PPP3R1: variants seen among roughly 807,000 people sequenced by gnomAD.
PPP3R1 encodes protein phosphatase 3 regulatory subunit B, alpha.
In PPP3R1, 5 loss-of-function variants were observed where a neutral mutation model predicts 22.6. That is an observed-to-expected ratio of 0.22 (90% CI 0.12 to 0.46). PPP3R1 has a LOEUF of 0.46. Ranked by LOEUF, PPP3R1 falls within the 20% of genes least tolerant of loss-of-function variation. The probability of loss-of-function intolerance (pLI) is 0.99; values close to 1 mark genes in which losing one functional copy is unlikely to be tolerated. For synonymous variants in PPP3R1, 56 were observed against 65.2 expected (o/e 0.86, Z 0.68); for missense variants, 61 against 203.2 (o/e 0.30, Z 4.25).
Position 68,195,748 on chromosome 2 carries a change from A to T in PPP3R1, c.44-7058T>A, listed in dbSNP as rs186160603. ...CCACCATTTATTTATTAAAATACTTACATCAGCATGGACTCATGAGTATTT... is the reference window on the plus strand; with the variant it reads ...CCACCATTTATTTATTAAAATACTTTCATCAGCATGGACTCATGAGTATTT... On this transcript the variant is annotated intron_variant, in intron 2 of 5. Transcript: ENST00000234310. 3.6e-3 allele frequency among the ~76,000 whole-genome samples: 551 copies of T among 152,276 alleles called. 6 individuals are homozygous for T. The highest frequency in any genetic ancestry group is 0.012 in the African/African-American group (510 of 41,554).
chr2:68,215,323 ACCC>A (rs201113610), intron 2 of PPP3R1, among the ~76,000 whole-genome samples: 1 of 150,522 alleles, frequency 6.6e-6, no homozygotes, highest in African/African-American at 2.4e-5. Flanking sequence ...ATATTCCAAA[ACCC>A]CCCCCAAAAT....
chr2:68,232,124 T>TACACACACACAAAA (rs1669918601), intron 1 of PPP3R1, among the ~76,000 whole-genome samples: 66 of 97,896 alleles, frequency 6.7e-4, no homozygotes, highest in South Asian at 9.9e-4. Context: ...TATATATATA[T>TACACACACACAAAA]ACACACACAC....
In PPP3R1 at chr2:68,180,925, A is replaced by C. The variant is rs1382837978; in HGVS notation, c.*38T>G. The stretch of plus-strand genomic sequence containing the variant: ...TTGAGCAGATCTTCAGAGATGGAGA[A>C]GAAAGCAAAAGTGTTGGGTGGTACT... On this transcript the variant is annotated 3_prime_UTR_variant, in exon 6 of 6. Coordinates refer to ENST00000234310, the MANE Select transcript of PPP3R1 (RefSeq NM_000945.4). 3 of 1,584,986 alleles carry C rather than the reference A, an allele frequency of 1.9e-6. No individual in the cohort carries two copies. The highest frequency in any genetic ancestry group is 1.1e-5 in the South Asian group (1 of 90,204).
intron 2 of PPP3R1, among the ~76,000 whole-genome samples, chr2:68,195,269 T>C (rs568893093): frequency 9.2e-5 from 14 of 152,306 alleles, no homozygotes; most frequent in Non-Finnish European, 1.9e-4. Flanking sequence ...TCCAGTATTT[T>C]GTAAAACTTC....
chr2:68,208,907 A>G (rs1176424459), intron 2 of PPP3R1, among the ~76,000 whole-genome samples: 1 of 147,690 alleles, frequency 6.8e-6, no homozygotes, highest in African/African-American at 2.6e-5. Context: ...TGGGTGACAA[A>G]GCAAGACTCT....
intron 2 of PPP3R1, among the ~76,000 whole-genome samples, chr2:68,194,299 C>T (rs911312363): frequency 6.6e-6 from 1 of 152,086 alleles, no homozygotes; most frequent in African/African-American, 2.4e-5. Context: ...ATCAATTGCA[C>T]TCTGACGGTT....
intron 1 of PPP3R1, among the ~76,000 whole-genome samples, chr2:68,219,065 C>A (rs1669635323): frequency 1.3e-5 from 2 of 152,116 alleles, no homozygotes; most frequent in South Asian, 4.1e-4. Flanking sequence ...CTGACCACAT[C>A]ACATCTCTGC....
Position 68,188,710 on chromosome 2 carries a change from G to C in PPP3R1, c.44-20C>G. The C allele has an allele frequency of 1.9e-6, 3 of 1,544,708 alleles. No homozygotes were observed. Among genetic ancestry groups the C allele is most frequent in the South Asian group, 1.2e-5 (1 of 80,398 alleles). On this transcript the variant is annotated intron_variant, in intron 2 of 5. Coordinates refer to ENST00000234310, the MANE Select transcript of PPP3R1 (RefSeq NM_000945.4). ...CATCAACTAAAAGCAAACAAAAAAG[G>C]AAGCAAGAATTTTTTAAAAATGTTC... is the stretch of plus-strand genomic sequence containing the variant.
rs1428441627 is a variant in PPP3R1 at position 68,232,263 on chromosome 2, GTGTATATA to G, written c.4-15140_4-15133del. Among the ~76,000 whole-genome samples, 368 of 57,888 alleles carry G rather than the reference GTGTATATA, an allele frequency of 6.4e-3. 5 individuals carry two copies. Among genetic ancestry groups the G allele is most frequent in the African/African-American group, 0.026 (325 of 12,540 alleles). 38.0% of individuals were successfully genotyped at this position (57,888 alleles called of 152,430 possible). A position where few individuals can be genotyped will look rare whatever the true frequency, so the allele number is the denominator to read the frequency against. On this transcript the variant is annotated intron_variant, in intron 1 of 5. Coordinates refer to ENST00000234310, the MANE Select transcript of PPP3R1 (RefSeq NM_000945.4). The stretch of plus-strand genomic sequence containing the variant: ...TGTGTGTGTGTGTGTGTGTGTGTGT[GTGTATATA>G]TATATACACACACACAAAAATTAGC...
At chr2:68,233,871 C>T (rs1229536738) in intron 1 of PPP3R1, among the ~76,000 whole-genome samples, 1 of 151,778 alleles carries the variant, frequency 6.6e-6, no homozygotes, top group Non-Finnish European at 1.5e-5. Context: ...GAAAGTAATC[C>T]TTAAAAGTTA....
At chr2:68,182,071 A>AACCCCCCCCCCCCCCC (rs1674417387) in intron 5 of PPP3R1, among the ~76,000 whole-genome samples, 1 of 38,620 alleles carries the variant, frequency 2.6e-5, no homozygotes. Flanking sequence ...CCCTCCTCCA[A>AACCCCCCCCCCCCCCC]CCCCCCCCTC....
chr2:68,181,990 C>T (rs548539578), intron 5 of PPP3R1, among the ~76,000 whole-genome samples: 25 of 151,666 alleles, frequency 1.6e-4, no homozygotes, highest in Non-Finnish European at 2.4e-4. Context: ...TAAATGTCCA[C>T]AGTTTGATGA....
chr2:68,180,732 T>C lies in PPP3R1; in HGVS notation c.*231A>G, dbSNP rs973094528. 13 of 459,034 alleles carry C rather than the reference T, an allele frequency of 2.8e-5. No individual in the cohort carries two copies. Among genetic ancestry groups the C allele is most frequent in the African/African-American group, 2.0e-4 (10 of 49,646 alleles). The allele number at this position is 459,034 out of a possible 1,614,324, so 28.4% of individuals were successfully genotyped here. On this transcript the variant is annotated 3_prime_UTR_variant, in exon 6 of 6. Transcript: ENST00000234310. ...CTTCCCTTTCTCCACCACATTGATA[T>C]GCTCTTTTCATGTTGCTGTCCTTCA...
At chr2:68,230,258 G>A (rs1158807893) in intron 1 of PPP3R1, among the ~76,000 whole-genome samples, 1 of 152,178 alleles carries the variant, frequency 6.6e-6, no homozygotes, top group East Asian at 1.9e-4. Flanking sequence ...CTTCCAAAGT[G>A]CTGGGATTAC....
intron 1 of PPP3R1, among the ~76,000 whole-genome samples, chr2:68,244,015 G>T (rs1558645149): frequency 6.6e-6 from 1 of 152,074 alleles, no homozygotes; most frequent in African/African-American, 2.4e-5. Context: ...TTCCATTTTA[G>T]ATCTTTCAAT....
chr2:68,182,435 A>G (rs1674434165), intron 5 of PPP3R1, among the ~76,000 whole-genome samples: 5 of 152,068 alleles, frequency 3.3e-5, no homozygotes, highest in Admixed American at 6.6e-5. Flanking sequence ...TAGCTTTCAC[A>G]TACTTCTCTT....
At chr2:68,187,964 T>A (rs546833521) in intron 3 of PPP3R1, among the ~76,000 whole-genome samples, 1 of 152,134 alleles carries the variant, frequency 6.6e-6, no homozygotes, top group South Asian at 2.1e-4. Flanking sequence ...GGTCAGGAGT[T>A]CGAGACCACA....
intron 1 of PPP3R1, among the ~76,000 whole-genome samples, chr2:68,234,074 T>C (rs559774687): frequency 1.3e-5 from 2 of 152,202 alleles, no homozygotes; most frequent in Non-Finnish European, 2.9e-5. Context: ...CCGGGCACGG[T>C]GGCTCACGCC....
At chr2:68,198,369 A>G (rs62145954) in intron 2 of PPP3R1, among the ~76,000 whole-genome samples, 5,696 of 85,362 alleles carry the variant, frequency 0.067, 520 homozygotes, top group African/African-American at 0.29. Context: ...ATGTACATAT[A>G]TGTACATGTA....
Sources: allele counts gnomAD v4.1 joint callset (sites outside exome capture counted in the v4.1 genomes callset), GRCh38; gene constraint gnomAD v4.1.1; transcripts MANE v1.5; gene names NCBI Gene and HGNC (gene_info 2026-07-23, HGNC 2026-07-21).